Variants in AFF1 observed in about 807,000 individuals in gnomAD.
AFF1 encodes ALF transcription elongation factor 1.
In AFF1, 48 loss-of-function variants were observed where a neutral mutation model predicts 121.7. That is an observed-to-expected ratio of 0.39 (90% CI 0.31 to 0.50). AFF1 has a LOEUF of 0.50. Ranked by LOEUF, AFF1 falls within the 20% of genes least tolerant of loss-of-function variation. The pLI is 0.76. For missense variants in AFF1, 1,523 were observed against 1,511.7 expected, an observed-to-expected ratio of 1.01 and a Z score of -0.12; for synonymous variants, 613 against 563.0, an observed-to-expected ratio of 1.09 and a Z score of -1.26.
chr4:87,023,460 T>TA (rs1728232270), intron 2 of AFF1, among the ~76,000 whole-genome samples: 1 of 152,354 alleles, frequency 6.6e-6, no homozygotes, highest in African/African-American at 2.4e-5. Flanking sequence ...CAGAACCACT[T>TA]AAATTATTCA....
chr4:86,952,468 G>A (rs1214024633), intron 2 of AFF1, among the ~76,000 whole-genome samples: 1 of 152,108 alleles, frequency 6.6e-6, no homozygotes, highest in Admixed American at 6.5e-5. Flanking sequence ...TTAGGTAAAA[G>A]TATTATCATT....
chr4:86,968,473 T>A (rs542331988), intron 2 of AFF1, among the ~76,000 whole-genome samples: 71 of 152,298 alleles, frequency 4.7e-4, no homozygotes, highest in African/African-American at 1.6e-3. Context: ...TCGTACAGTT[T>A]TCAGTATTCA....
chr4:87,005,258 C>G (rs1726014536), intron 2 of AFF1, among the ~76,000 whole-genome samples: 3 of 152,296 alleles, frequency 2.0e-5, no homozygotes, highest in Middle Eastern at 3.4e-3. Flanking sequence ...GGATTACAGG[C>G]GTGAGCCACT....
At chr4:86,978,911 A>G (rs1722645213) in intron 2 of AFF1, among the ~76,000 whole-genome samples, 1 of 152,148 alleles carries the variant, frequency 6.6e-6, no homozygotes, top group Non-Finnish European at 1.5e-5. Flanking sequence ...CCCTTTTTAA[A>G]TAGAAAACAG....
chr4:87,109,207 G>A (rs566198796), intron 11 of AFF1, among the ~76,000 whole-genome samples: 104 of 152,292 alleles, frequency 6.8e-4, no homozygotes, highest in African/African-American at 2.3e-3. Context: ...AATTAGGAAA[G>A]CATTAAAAAG....
rs369195691 is a variant in AFF1, at chr4:86,940,098, C to T, written c.-37+4858C>T. 2.6e-5 allele frequency among the ~76,000 whole-genome samples: 4 copies of T among 152,104 alleles called. No homozygotes were observed. The East Asian group carries it at 5.8e-4, about 22-fold the overall frequency. On this transcript the variant is annotated intron_variant, in intron 1 of 20. Coordinates refer to ENST00000395146, the MANE Select transcript of AFF1 (RefSeq NM_001166693.3). ...CTTTGGGAGGCAGAGGCGAAAGGAT[C>T]ATTTGAGCCCAGGAAATTTGAGACT...
At chr4:87,027,031 A>C (rs899331532) in intron 2 of AFF1, among the ~76,000 whole-genome samples, 1 of 152,258 alleles carries the variant, frequency 6.6e-6, no homozygotes, top group Non-Finnish European at 1.5e-5. Flanking sequence ...GACAAGAACC[A>C]GAGAAGATTA....
At chr4:87,098,134 T>C (rs901193275) in intron 8 of AFF1, among the ~76,000 whole-genome samples, 2 of 151,968 alleles carry the variant, frequency 1.3e-5, no homozygotes, top group African/African-American at 4.8e-5. Context: ...CATATAAGAG[T>C]ATAAAAGAGA....
At chr4:86,959,692 T>C (rs933601443) in intron 2 of AFF1, among the ~76,000 whole-genome samples, 2 of 152,102 alleles carry the variant, frequency 1.3e-5, no homozygotes, top group Non-Finnish European at 2.9e-5. Context: ...ACTTGGGTTT[T>C]GTGTAAAGCT....
rs115022097 is a variant in AFF1, at chr4:87,018,318, C to T, written c.39-27848C>T. Among the ~76,000 whole-genome samples, 326 of 152,190 alleles carry T rather than the reference C, an allele frequency of 2.1e-3. 3 individuals are homozygous for T. The highest frequency in any genetic ancestry group is 7.5e-3 in the African/African-American group (312 of 41,522). On this transcript the variant is annotated intron_variant, in intron 2 of 20. Transcript: ENST00000395146. ...TAAGCAAACAAACTGACAAATAAAA[C>T]AAGTGCAAATTGTGGAAACACAGTG... is the stretch of plus-strand genomic sequence containing the variant.
intron 2 of AFF1, among the ~76,000 whole-genome samples, chr4:87,034,405 T>C (rs1175226045): frequency 6.6e-6 from 1 of 152,246 alleles, no homozygotes; most frequent in Non-Finnish European, 1.5e-5. Flanking sequence ...TTAATTTGCC[T>C]TGCATTTAAA....
At chr4:87,133,405 C>T (rs1252777514) in intron 19 of AFF1, among the ~76,000 whole-genome samples, 2 of 152,150 alleles carry the variant, frequency 1.3e-5, no homozygotes, top group East Asian at 3.8e-4. Context: ...CTATTTCTAG[C>T]ACATTCAAAA....
chr4:86,947,270 TCCATG>T (rs1255287909), intron 1 of AFF1, among the ~76,000 whole-genome samples: 3 of 152,200 alleles, frequency 2.0e-5, no homozygotes, highest in Non-Finnish European at 4.4e-5. Flanking sequence ...TATTTTAACA[TCCATG>T]CTGCAATCTT....
Position 87,094,896 on chromosome 4 carries a change from A to T in AFF1, c.1229-19A>T, listed in dbSNP as rs375402488. 36 of 1,611,718 alleles carry T rather than the reference A, an allele frequency of 2.2e-5. 1 individual carries two copies. In the East Asian group the frequency reaches 7.1e-4, roughly 32 times the overall value. Reference sequence around the variant, plus strand: ...AAATATGTGTCATTGTGCTGCTTTGATGTTTCTCTCCCCCACAGAACAATA... The same window carrying T: ...AAATATGTGTCATTGTGCTGCTTTGTTGTTTCTCTCCCCCACAGAACAATA... On this transcript the variant is annotated intron_variant, in intron 7 of 20. Coordinates refer to ENST00000395146, the MANE Select transcript of AFF1 (RefSeq NM_001166693.3).
At chr4:86,957,775 C>A (rs1421622973) in intron 2 of AFF1, among the ~76,000 whole-genome samples, 4 of 152,140 alleles carry the variant, frequency 2.6e-5, no homozygotes, top group African/African-American at 9.7e-5. Context: ...CTCCTGACCT[C>A]AGGTGATCCT....
At chr4:87,053,189 G>C (rs988165707) in intron 4 of AFF1, among the ~76,000 whole-genome samples, 5 of 152,170 alleles carry the variant, frequency 3.3e-5, no homozygotes, top group African/African-American at 7.2e-5. Context: ...TCCTCCTCCA[G>C]ATCAGTCTGG....
At chr4:87,022,619 T>TGTGTATATATATGTGC (rs1560547582) in intron 2 of AFF1, among the ~76,000 whole-genome samples, 1 of 82,924 alleles carries the variant, frequency 1.2e-5, no homozygotes, top group East Asian at 4.2e-4. Flanking sequence ...TATATCTGTG[T>TGTGTATATATATGTGC]GTGTATATAT....
chr4:87,138,490 G>GGTGTGTGT lies in AFF1; in HGVS notation c.*2814_*2821dup, dbSNP rs35457894. ...GTAAATCTTGCCTTTGGCACTACAA[G>GGTGTGTGT]GTGTGTGTGTGTGTGTGTGTGTGTG... On this transcript the variant is annotated 3_prime_UTR_variant, in exon 21 of 21. Coordinates refer to ENST00000395146, the MANE Select transcript of AFF1 (RefSeq NM_001166693.3). 3.7e-5 allele frequency: 8 copies of GGTGTGTGT among 219,008 alleles called. No individual in the cohort carries two copies. Among genetic ancestry groups the GGTGTGTGT allele is most frequent in the South Asian group, 1.9e-4 (1 of 5,308 alleles). The allele number at this position is 219,008 out of a possible 1,614,324, so 13.6% of individuals were successfully genotyped here. A position where few individuals can be genotyped will look rare whatever the true frequency, so the allele number is the denominator to read the frequency against.
chr4:86,938,364 C>T (rs957203547), intron 1 of AFF1, among the ~76,000 whole-genome samples: 4 of 150,750 alleles, frequency 2.7e-5, no homozygotes, highest in African/African-American at 7.3e-5. Flanking sequence ...GCAGGAAAGT[C>T]GCTTGAACCC....
Sources: gnomAD v4.1 joint callset for allele counts (sites outside exome capture counted in the v4.1 genomes callset) on GRCh38, gnomAD v4.1.1 for gene constraint, MANE v1.5 for transcripts, NCBI Gene and HGNC (gene_info 2026-07-23, HGNC 2026-07-21) for gene names.